Variants in TXNRD1 observed in about 807,000 individuals in gnomAD.
The protein encoded by TXNRD1 is thioredoxin reductase 1, cytoplasmic.
A neutral mutation model predicts 80.3 loss-of-function variants in TXNRD1; 57 were observed. That is an observed-to-expected ratio of 0.71 (90% confidence interval 0.57 to 0.89). The LOEUF is 0.89. Ranked by LOEUF, TXNRD1 falls within the 40% of genes least tolerant of loss-of-function variation. The pLI is 0.00. For missense variants in TXNRD1, 730 were observed against 803.0 expected, an observed-to-expected ratio of 0.91 and a Z score of 1.10; for synonymous variants, 291 against 285.2, an observed-to-expected ratio of 1.02 and a Z score of -0.20.
intron 3 of TXNRD1, among the ~76,000 whole-genome samples, chr12:104,284,573 A>C (rs945661601): frequency 8.5e-5 from 13 of 152,256 alleles, no homozygotes; most frequent in African/African-American, 3.1e-4. Flanking sequence ...GTTCAGGAAC[A>C]TAGAGAGGTC....
intron 1 of TXNRD1, among the ~76,000 whole-genome samples, chr12:104,228,723 T>C (rs2032533672): frequency 6.6e-6 from 1 of 152,128 alleles, no homozygotes; most frequent in South Asian, 2.1e-4. Flanking sequence ...GAACATTTTC[T>C]TTTCTTTTTT....
chr12:104,348,519 GCACCTGC>G lies in TXNRD1; in HGVS notation c.*99_*105del. On this transcript the variant is annotated 3_prime_UTR_variant, in exon 17 of 17. Coordinates refer to ENST00000525566, the MANE Select transcript of TXNRD1 (RefSeq NM_001093771.3). Reference sequence around the variant, plus strand: ...TTTCTAGAGGGTTCTTGGGCTCTTGGCACCTGCGTGTCCTGTGCTTACCACCGCCCAA... The same window carrying G: ...TTTCTAGAGGGTTCTTGGGCTCTTGGGTGTCCTGTGCTTACCACCGCCCAA... 8.5e-7 allele frequency: 1 copy of G among 1,171,578 alleles called. No homozygotes were observed. The highest frequency in any genetic ancestry group is 1.3e-6 in the Non-Finnish European group (1 of 791,198). The allele number at this position is 1,171,578 out of a possible 1,614,324, so 72.6% of individuals were successfully genotyped here.
At chr12:104,312,168 G>A (rs1424477270) in intron 5 of TXNRD1, among the ~76,000 whole-genome samples, 1 of 151,982 alleles carries the variant, frequency 6.6e-6, no homozygotes, top group Non-Finnish European at 1.5e-5. Context: ...AAAAAAGATG[G>A]GGAGCAATTG....
intron 14 of TXNRD1, among the ~76,000 whole-genome samples, chr12:104,332,439 T>A (rs1259384621): frequency 6.6e-6 from 1 of 152,110 alleles, no homozygotes; most frequent in Non-Finnish European, 1.5e-5. Flanking sequence ...ATTATTAACC[T>A]TTTTTTCTGA....
At chr12:104,227,605 T>C (rs1280596404) in intron 1 of TXNRD1, among the ~76,000 whole-genome samples, 1 of 152,118 alleles carries the variant, frequency 6.6e-6, no homozygotes, top group East Asian at 1.9e-4. Flanking sequence ...TATGTATACA[T>C]GATCGGGTTA....
intron 1 of TXNRD1, among the ~76,000 whole-genome samples, chr12:104,241,563 T>C (rs1593697648): frequency 6.6e-6 from 1 of 152,028 alleles, no homozygotes; most frequent in East Asian, 1.9e-4. Context: ...AGAGACGGAC[T>C]CTCCACTTTG....
chr12:104,250,881 T>G (rs1186761497), intron 1 of TXNRD1, among the ~76,000 whole-genome samples: 1 of 152,174 alleles, frequency 6.6e-6, no homozygotes, highest in Non-Finnish European at 1.5e-5. Flanking sequence ...TGGTTTTGAC[T>G]GGTGATGATG....
chr12:104,306,781 A>G (rs995187671), intron 4 of TXNRD1, among the ~76,000 whole-genome samples: 2 of 152,198 alleles, frequency 1.3e-5, no homozygotes, highest in African/African-American at 2.4e-5. Context: ...TGGAAGCACC[A>G]TTTGATCTCA....
intron 1 of TXNRD1, among the ~76,000 whole-genome samples, chr12:104,234,922 T>C (rs2032703733): frequency 6.6e-6 from 1 of 152,204 alleles, no homozygotes; most frequent in Non-Finnish European, 1.5e-5. Context: ...TATGGTGTTT[T>C]TCCTTCATTT....
At chr12:104,333,898 A>G (rs2036045560) in intron 14 of TXNRD1, among the ~76,000 whole-genome samples, 2 of 152,206 alleles carry the variant, frequency 1.3e-5, no homozygotes, top group Non-Finnish European at 2.9e-5. Context: ...GGATAACAAG[A>G]TAGTATTGAG....
At chr12:104,338,653 C>T (rs2036223518) in intron 15 of TXNRD1, among the ~76,000 whole-genome samples, 4 of 147,220 alleles carry the variant, frequency 2.7e-5, no homozygotes, top group South Asian at 2.1e-4. Context: ...GTGGAGATCG[C>T]GCCATTGCAC....
chr12:104,281,400 T>A (rs867594637), intron 3 of TXNRD1, among the ~76,000 whole-genome samples: 4 of 52,034 alleles, frequency 7.7e-5, no homozygotes, highest in South Asian at 1.7e-3. Flanking sequence ...ATATCTCCAC[T>A]TTTTTTTTTT....
chr12:104,285,427 G>GCTATA (rs1555211131), intron 3 of TXNRD1, among the ~76,000 whole-genome samples: 1 of 152,158 alleles, frequency 6.6e-6, no homozygotes, highest in African/African-American at 2.4e-5. Flanking sequence ...GGGCATCTTT[G>GCTATA]CTATAATTTG....
At chr12:104,287,881 G>A (rs562047703) in intron 3 of TXNRD1, among the ~76,000 whole-genome samples, 119 of 152,356 alleles carry the variant, frequency 7.8e-4, no homozygotes, top group Middle Eastern at 3.4e-3. Flanking sequence ...CTTACTTGTA[G>A]AGTGGTTGTG....
chr12:104,294,453 CTATCTCTG>C (rs1051940126), intron 4 of TXNRD1, among the ~76,000 whole-genome samples: 1 of 152,014 alleles, frequency 6.6e-6, no homozygotes, highest in Non-Finnish European at 1.5e-5. Context: ...CCCTCAGCTC[CTATCTCTG>C]TATGGCCTGG....
intron 13 of TXNRD1, among the ~76,000 whole-genome samples, chr12:104,329,428 T>A (rs1466804214): frequency 6.6e-6 from 1 of 151,922 alleles, no homozygotes; most frequent in East Asian, 1.9e-4. Flanking sequence ...GGCAGGAGGA[T>A]CACTTGCCCA....
chr12:104,290,974 A>G, intron 4 of TXNRD1: 1 of 658,440 alleles, frequency 1.5e-6, no homozygotes, highest in Non-Finnish European at 2.7e-6. Flanking sequence ...TTTTTAATTG[A>G]AAACTTTTTT....
intron 5 of TXNRD1, 141 bp from the exon 6 acceptor site, chr12:104,313,104 T>C (rs1268676074): frequency 1.7e-6 from 1 of 577,244 alleles, no homozygotes; most frequent in Non-Finnish European, 3.1e-6. Context: ...CTAATCATCA[T>C]GGTGTGTGAA....
intron 1 of TXNRD1, among the ~76,000 whole-genome samples, chr12:104,245,458 G>C (rs551049500): frequency 7.5e-6 from 1 of 134,040 alleles, no homozygotes; most frequent in Non-Finnish European, 1.5e-5. Context: ...CAGAGGTTGC[G>C]GTGAGCCGAG....
Sources: gnomAD v4.1 joint callset for allele counts (sites outside exome capture counted in the v4.1 genomes callset) on GRCh38, gnomAD v4.1.1 for gene constraint, MANE v1.5 for transcripts, NCBI Gene and HGNC (gene_info 2026-07-23, HGNC 2026-07-21) for gene names.